Variants in CLOCK observed in about 807,000 individuals in gnomAD.
The protein encoded by CLOCK is clock circadian regulator.
A neutral mutation model predicts 118.4 loss-of-function variants in CLOCK; 43 were observed. That is an observed-to-expected ratio of 0.36 (90% CI 0.28 to 0.47). CLOCK has a LOEUF of 0.47. Ranked by LOEUF, CLOCK falls within the 20% of genes least tolerant of loss-of-function variation. The pLI is 1.00. For synonymous variants in CLOCK, 326 were observed against 339.2 expected (o/e 0.96, Z 0.43); for missense variants, 846 against 999.9 (o/e 0.85, Z 2.08).
intron 2 of CLOCK, among the ~76,000 whole-genome samples, chr4:55,502,885 G>A (rs1577810183): frequency 6.6e-6 from 1 of 152,112 alleles, no homozygotes; most frequent in East Asian, 1.9e-4. Flanking sequence ...ATGGTCAACA[G>A]GCATTTGAAA....
At chr4:55,470,874 T>C (rs3805151) in intron 7 of CLOCK, 68 bp from the exon 8 acceptor site, 417,236 of 1,096,044 alleles carry the variant, frequency 0.38, 82,694 homozygotes, top group East Asian at 0.61. Flanking sequence ...AAATAAAAAT[T>C]TGAGATAAAT....
intron 13 of CLOCK, 38 bp from the exon 14 acceptor site, chr4:55,453,862 A>G (rs772007591): frequency 6.9e-7 from 1 of 1,441,310 alleles, no homozygotes; most frequent in South Asian, 1.3e-5. Context: ...TCTTTAATTC[A>G]TATTATATAA....
intron 3 of CLOCK, among the ~76,000 whole-genome samples, chr4:55,489,127 A>G (rs886355362): frequency 1.3e-5 from 2 of 152,208 alleles, no homozygotes; most frequent in Admixed American, 1.3e-4. Flanking sequence ...CTTGTGTATT[A>G]TTCTTCTTCT....
intron 20 of CLOCK, 126 bp downstream of exon 20, chr4:55,443,561 T>A: frequency 1.3e-6 from 1 of 773,246 alleles, no homozygotes; most frequent in Non-Finnish European, 2.3e-6. Flanking sequence ...CTCTCAATAC[T>A]ATACTTTCTA....
At chr4:55,459,377 C>A (rs975168357) in intron 9 of CLOCK, 116 bp from the exon 10 acceptor site, 48 of 704,244 alleles carry the variant, frequency 6.8e-5, no homozygotes, top group Non-Finnish European at 1.1e-4. Context: ...TTTTCCCCAA[C>A]AGAAGTCGTC....
At chr4:55,503,722 C>A (rs968768957) in intron 2 of CLOCK, among the ~76,000 whole-genome samples, 1 of 151,864 alleles carries the variant, frequency 6.6e-6, no homozygotes, top group African/African-American at 2.4e-5. Context: ...CATCAGCCTG[C>A]CTCTTTGTGG....
chr4:55,486,929 G>A (rs972907224), intron 3 of CLOCK, among the ~76,000 whole-genome samples: 14 of 152,030 alleles, frequency 9.2e-5, no homozygotes, highest in African/African-American at 3.4e-4. Context: ...TCTATTCTTT[G>A]TTTTTCCCCT....
chr4:55,453,372 A>G (rs907735826), intron 14 of CLOCK: 9 of 495,240 alleles, frequency 1.8e-5, no homozygotes, highest in South Asian at 1.8e-4. Context: ...TAAGAAAAAT[A>G]AATAAAGGAA....
rs905423637 is a variant in CLOCK, at chr4:55,546,832, C to T, written c.-340G>A. ...CAGATTTCCTTCGCGCTCTCGCTCT[C>T]CGGGGTTTCCTTTTTTAAACCGGCA... On this transcript the variant is annotated 5_prime_UTR_variant, in exon 1 of 23. Coordinates refer to ENST00000513440, the MANE Select transcript of CLOCK (RefSeq NM_004898.4). 17 of 152,236 alleles carry T rather than the reference C, an allele frequency of 1.1e-4. No individual in the cohort carries two copies. The highest frequency in any genetic ancestry group is 2.2e-4 in the Non-Finnish European group (15 of 68,106). 9.4% of individuals were successfully genotyped at this position (152,236 alleles called of 1,614,324 possible).
chr4:55,493,309 T>C lies in CLOCK; in HGVS notation c.-135-3844A>G, dbSNP rs1045466940. The stretch of plus-strand genomic sequence containing the variant: ...TTTTAAAAATTAAAACTACAGTTTT[T>C]CCCTAACCTAATAACCTACTGACCC... On this transcript the variant is annotated intron_variant, in intron 2 of 22. Transcript: ENST00000513440. Among the ~76,000 whole-genome samples, 7 of 152,196 alleles carry C rather than the reference T, an allele frequency of 4.6e-5. No individual in the cohort carries two copies. The East Asian group carries it at 5.8e-4, about 13-fold the overall frequency.
intron 2 of CLOCK, among the ~76,000 whole-genome samples, chr4:55,507,110 T>C (rs1414151484): frequency 3.9e-5 from 6 of 152,038 alleles, no homozygotes; most frequent in African/African-American, 1.4e-4. Flanking sequence ...GTCCAGGAGT[T>C]CTAGAGCAGC....
rs776669515 is a variant in CLOCK at position 55,463,758 on chromosome 4, T to A, written c.486A>T (p.Glu162Asp). ...AGAGTATTTTATAAACCTCTGAATG[T>A]TCCCCTTCTGGGATAAAATTAAATA... is the stretch of plus-strand genomic sequence containing the variant. Reference protein sequence around the residue: ...QSIFNFIPEGEHSEVYKILST... With the variant: ...QSIFNFIPEGDHSEVYKILST... The change falls in exon 9 of 23, where the codon GAA becomes GAT. Residue 162 changes from glutamate (E) to aspartate (D), a missense_variant. Coordinates refer to ENST00000513440, the MANE Select transcript of CLOCK (RefSeq NM_004898.4). The A allele has an allele frequency of 6.2e-7, 1 of 1,612,232 alleles. No homozygotes were observed. The highest frequency in any genetic ancestry group is 2.2e-5 in the East Asian group (1 of 44,678).
chr4:55,510,636 A>ATT (rs1339050442), intron 1 of CLOCK, among the ~76,000 whole-genome samples: 3 of 149,466 alleles, frequency 2.0e-5, no homozygotes, highest in African/African-American at 5.0e-5. Flanking sequence ...TTTTAAAAAA[A>ATT]AAAAAAAAAA....
intron 20 of CLOCK, among the ~76,000 whole-genome samples, chr4:55,442,896 GA>G (rs1723492299): frequency 6.6e-6 from 1 of 152,066 alleles, no homozygotes; most frequent in Non-Finnish European, 1.5e-5. Context: ...TATACTCAAA[GA>G]ATTTCTGTTA....
intron 6 of CLOCK, among the ~76,000 whole-genome samples, chr4:55,478,153 CTAT>C (rs1290784265): frequency 1.3e-5 from 2 of 151,654 alleles, no homozygotes; most frequent in African/African-American, 2.4e-5. Context: ...TTTTTTAAAT[CTAT>C]TATTATCTGT....
chr4:55,442,875 A>G (rs11945370), intron 20 of CLOCK, among the ~76,000 whole-genome samples: 51,235 of 151,848 alleles, frequency 0.34, 9,338 homozygotes, highest in East Asian at 0.58. Context: ...TGTAATAGAG[A>G]TGATATAAAA....
chr4:55,498,603 C>CTCA (rs1728235981), intron 2 of CLOCK, among the ~76,000 whole-genome samples: 1 of 148,636 alleles, frequency 6.7e-6, no homozygotes, highest in Non-Finnish European at 1.5e-5. Context: ...TATCTAGTTC[C>CTCA]TTATTATTAT....
intron 1 of CLOCK, among the ~76,000 whole-genome samples, chr4:55,532,982 A>G (rs1171674275): frequency 6.6e-6 from 1 of 152,236 alleles, no homozygotes; most frequent in Non-Finnish European, 1.5e-5. Flanking sequence ...GAATACAAAT[A>G]AATGGAAAAA....
intron 1 of CLOCK, among the ~76,000 whole-genome samples, chr4:55,536,631 T>A (rs980186207): frequency 6.6e-6 from 1 of 152,196 alleles, no homozygotes; most frequent in African/African-American, 2.4e-5. Flanking sequence ...CCATGCTTCC[T>A]ATACACTTTG....
Sources: allele counts gnomAD v4.1 joint callset (sites outside exome capture counted in the v4.1 genomes callset), GRCh38; gene constraint gnomAD v4.1.1; transcripts MANE v1.5; gene names NCBI Gene and HGNC (gene_info 2026-07-23, HGNC 2026-07-21).